Variants in ACSL5 observed in about 807,000 individuals in gnomAD.
ACSL5 encodes the protein acyl-CoA synthetase long chain family member 5, also known as long-chain-fatty-acid--CoA ligase 5.
A neutral mutation model predicts 84.9 loss-of-function variants in ACSL5; 50 were observed. That is an observed-to-expected ratio of 0.59 (90% CI 0.47 to 0.75). The LOEUF (loss-of-function observed/expected upper bound fraction) is 0.75, where lower values mean the gene tolerates loss of function less well. ACSL5 is among the 30% of genes least tolerant of loss of function. ACSL5 has a pLI of 0.00. For missense variants in ACSL5, 775 were observed against 830.4 expected, an observed-to-expected ratio of 0.93 and a Z score of 0.82; for synonymous variants, 280 against 300.7, an observed-to-expected ratio of 0.93 and a Z score of 0.71.
At chr10:112,391,670 T>G (rs577087686) in intron 1 of ACSL5, among the ~76,000 whole-genome samples, 6 of 152,220 alleles carry the variant, frequency 3.9e-5, no homozygotes, top group Non-Finnish European at 8.8e-5. Context: ...AGTCAAACAT[T>G]AACAGACCGT....
intron 1 of ACSL5, among the ~76,000 whole-genome samples, chr10:112,383,070 C>G (rs1359950945): frequency 1.3e-5 from 2 of 152,088 alleles, no homozygotes; most frequent in Non-Finnish European, 2.9e-5. Context: ...GGAGTTCAAG[C>G]CCAGGCTGGG....
chr10:112,416,210 G>T (rs568755418), intron 12 of ACSL5, among the ~76,000 whole-genome samples: 1 of 152,128 alleles, frequency 6.6e-6, no homozygotes, highest in Non-Finnish European at 1.5e-5. Context: ...GGTGGCTCAC[G>T]CCTGTAATCC....
Position 112,413,160 on chromosome 10 carries a change from G to C in ACSL5, c.949-13G>C. On this transcript the variant is annotated splice_polypyrimidine_tract_variant and intron_variant, in intron 11 of 20. Transcript: ENST00000354655. ...GTTTGCCTCTAAGCTCTATAATTTG[G>C]TTTTGTTTTCAGGCTGTTGTGTACA... The C allele has an allele frequency of 6.2e-7, 1 of 1,613,712 alleles. No homozygotes were observed. Among genetic ancestry groups the C allele is most frequent in the Non-Finnish European group, 8.5e-7 (1 of 1,179,856 alleles).
At chr10:112,422,957 G>A (rs1471623369) in intron 17 of ACSL5, among the ~76,000 whole-genome samples, 1 of 149,146 alleles carries the variant, frequency 6.7e-6, no homozygotes, top group African/African-American at 2.5e-5. Flanking sequence ...GGGAGGCCGA[G>A]GCGGGCGGAT....
chr10:112,395,918 C>T (rs145330061), intron 2 of ACSL5: 3 of 152,470 alleles, frequency 2.0e-5, no homozygotes, highest in Non-Finnish European at 4.4e-5. Flanking sequence ...CCTGTGGGTA[C>T]ATCTGCATGT....
At chr10:112,421,153 CGTTT>C (rs970832478) in intron 14 of ACSL5, among the ~76,000 whole-genome samples, 46 of 151,198 alleles carry the variant, frequency 3.0e-4, no homozygotes, top group South Asian at 1.0e-3. Flanking sequence ...TTTGTTTGTT[CGTTT>C]GTTTGTTTGT....
At position 112,398,041 on chromosome 10, in the gene ACSL5, C is replaced by CTT. The variant is rs1188049832; in HGVS notation, c.157-819_157-818dup. 3.5e-3 allele frequency among the ~76,000 whole-genome samples: 19 copies of CTT among 5,460 alleles called. 8 individuals are homozygous for CTT. Among genetic ancestry groups the CTT allele is most frequent in the Non-Finnish European group, 7.9e-3 (17 of 2,146 alleles). The allele number at this position is 5,460 out of a possible 152,430, so 3.6% of individuals were successfully genotyped here. On this transcript the variant is annotated intron_variant, in intron 2 of 20. Transcript: ENST00000354655. ...TGGGTGGGATTACAGATCCACTTTT[C>CTT]TTTTTTTTTTTTTTTTTTTTTTTTT... is the stretch of plus-strand genomic sequence containing the variant.
Position 112,403,143 on chromosome 10 carries a change from C to G in ACSL5, c.266-1368C>G, listed in dbSNP as rs148645812. Reference sequence around the variant, plus strand: ...AAGCCTTGATATCTTAGAAGATACTCTCATACAAATGGGCAAAGTACATGA... The same window carrying G: ...AAGCCTTGATATCTTAGAAGATACTGTCATACAAATGGGCAAAGTACATGA... On this transcript the variant is annotated intron_variant, in intron 3 of 20. Coordinates refer to ENST00000354655, the MANE Select transcript of ACSL5 (RefSeq NM_203379.2). Among the ~76,000 whole-genome samples, 503 of 152,254 alleles carry G rather than the reference C, an allele frequency of 3.3e-3. 6 individuals are homozygous for G. Among genetic ancestry groups the G allele is most frequent in the South Asian group, 0.015 (73 of 4,828 alleles).
At position 112,398,947 on chromosome 10, in the gene ACSL5, G is replaced by A. The variant is rs746731885; in HGVS notation, c.203G>A (p.Ser68Asn). The A allele has an allele frequency of 1.2e-6, 2 of 1,614,114 alleles. No homozygotes were observed. The highest frequency in any genetic ancestry group is 2.2e-5 in the East Asian group (1 of 44,876). Residue 68 changes from serine (S) to asparagine (N), a missense_variant, in exon 3 of 21, where the codon AGT (serine) becomes AAT (asparagine). Transcript: ENST00000354655. ...TCCCAGAAGAACAATGACCTAACAA[G>A]TTGCTGCTTCTCAGATGCCAAGACT... ...GVSQKNNDLT[S>N]CCFSDAKTMY...
At chr10:112,379,078 C>A (rs569484327) in intron 1 of ACSL5, among the ~76,000 whole-genome samples, 1 of 152,212 alleles carries the variant, frequency 6.6e-6, no homozygotes, top group East Asian at 1.9e-4. Flanking sequence ...GCCATGGTTC[C>A]CTACAACTAG....
chr10:112,397,464 C>T (rs1318917340), intron 2 of ACSL5, among the ~76,000 whole-genome samples: 1 of 152,146 alleles, frequency 6.6e-6, no homozygotes, highest in Non-Finnish European at 1.5e-5. Context: ...GCCACAGCGC[C>T]CAGCCAGCTA....
At chr10:112,416,610 T>A (rs1296695583) in intron 12 of ACSL5, among the ~76,000 whole-genome samples, 1 of 152,154 alleles carries the variant, frequency 6.6e-6, no homozygotes, top group Non-Finnish European at 1.5e-5. Flanking sequence ...CCCAGGTGAC[T>A]TTTTAGGCAG....
At chr10:112,421,487 G>A (rs1589698795) in intron 14 of ACSL5, 106 bp from the exon 15 acceptor site, 1 of 967,728 alleles carries the variant, frequency 1.0e-6, no homozygotes, top group African/African-American at 1.6e-5. Flanking sequence ...ACACTAAGTG[G>A]TCTCGAACCC....
intron 12 of ACSL5, among the ~76,000 whole-genome samples, chr10:112,414,339 A>T (rs1219061310): frequency 6.9e-6 from 1 of 144,708 alleles, no homozygotes; most frequent in African/African-American, 2.5e-5. Context: ...ATTTTTTTTT[A>T]ATTTCAGTGA....
chr10:112,408,677 A>T, intron 6 of ACSL5, 156 bp downstream of exon 6: 1 of 591,828 alleles, frequency 1.7e-6, no homozygotes, highest in South Asian at 2.0e-5. Context: ...AGTACTTAGG[A>T]TATAATTTTC....
intron 13 of ACSL5, among the ~76,000 whole-genome samples, chr10:112,417,253 A>T (rs1844337969): frequency 6.7e-6 from 1 of 149,904 alleles, no homozygotes; most frequent in African/African-American, 2.4e-5. Context: ...CTGTAATCCC[A>T]GCACTTTGGG....
intron 1 of ACSL5, among the ~76,000 whole-genome samples, chr10:112,390,595 C>A (rs1264257762): frequency 6.6e-6 from 1 of 152,062 alleles, no homozygotes. Context: ...CTCGTAATAG[C>A]TTTGTTCACA....
At chr10:112,376,487 G>T in intron 1 of ACSL5, 1 of 1,613,440 alleles carries the variant, frequency 6.2e-7, no homozygotes, top group Non-Finnish European at 8.5e-7. Context: ...CAGCAAGGGG[G>T]TCTTGTGAGG....
At chr10:112,406,257 G>C (rs552796823) in intron 5 of ACSL5, 1 of 152,118 alleles carries the variant, frequency 6.6e-6, no homozygotes, top group African/African-American at 2.4e-5. Flanking sequence ...CTTCTCCCGA[G>C]GCCTCTCTCC....
Sources: gnomAD v4.1 joint callset for allele counts (sites outside exome capture counted in the v4.1 genomes callset) on GRCh38, gnomAD v4.1.1 for gene constraint, MANE v1.5 for transcripts, NCBI Gene and HGNC (gene_info 2026-07-23, HGNC 2026-07-21) for gene names.